Variants in MVB12B observed in about 807,000 individuals in gnomAD.
MVB12B encodes multivesicular body subunit 12B.
A neutral mutation model predicts 41.6 loss-of-function variants in MVB12B; 16 were observed. The observed-to-expected ratio is 0.38, with a 90% CI of 0.26 to 0.58. The LOEUF is 0.58. MVB12B is among the 20% of genes least tolerant of loss of function. The pLI, the probability that MVB12B is intolerant of heterozygous loss-of-function variation, is 0.62. For missense variants in MVB12B, 274 were observed against 380.2 expected, an observed-to-expected ratio of 0.72 and a Z score of 2.32; for synonymous variants, 133 against 139.7, an observed-to-expected ratio of 0.95 and a Z score of 0.34.
chr9:126,468,975 T>C lies in MVB12B; in HGVS notation c.758-12394T>C, dbSNP rs1833257282. On this transcript the variant is annotated intron_variant, in intron 7 of 9. Coordinates refer to ENST00000361171, the MANE Select transcript of MVB12B (RefSeq NM_033446.3). This position sits in a 1 kb window ranked among gnomAD's most constrained non-coding sequence, Gnocchi z 4.3. Reference sequence around the variant, plus strand: ...AAAAGTAAATTGCAAAACAGTTACTTATGCTGTGATGCTATTTTTATTAAA... The same window carrying C: ...AAAAGTAAATTGCAAAACAGTTACTCATGCTGTGATGCTATTTTTATTAAA... Among the ~76,000 whole-genome samples the C allele has an allele frequency of 6.6e-6, 1 of 152,246 alleles. No homozygotes were observed.
At chr9:126,422,621 G>C (rs758122604) in intron 7 of MVB12B, among the ~76,000 whole-genome samples, 2 of 152,188 alleles carry the variant, frequency 1.3e-5, no homozygotes, top group Non-Finnish European at 2.9e-5. Flanking sequence ...CCGCCAGTGA[G>C]GGGTGTTTGT....
At chr9:126,431,116 G>A (rs944778095) in intron 7 of MVB12B, among the ~76,000 whole-genome samples, 23 of 152,316 alleles carry the variant, frequency 1.5e-4, no homozygotes, top group Non-Finnish European at 2.9e-4. Flanking sequence ...CTTCTTAGCC[G>A]TGTGCTTCCT....
intron 7 of MVB12B, among the ~76,000 whole-genome samples, chr9:126,461,468 A>G (rs994855990): frequency 2.6e-5 from 4 of 152,230 alleles, no homozygotes; most frequent in African/African-American, 9.7e-5. Context: ...CAGCTCGCCT[A>G]TCTCAAGGCT....
Position 126,486,962 on chromosome 9 carries a change from G to T in MVB12B, c.873+2930G>T, listed in dbSNP as rs1297106311. On this transcript the variant is annotated intron_variant, in intron 9 of 9. Transcript: ENST00000361171. This position sits in a 1 kb window ranked among gnomAD's most constrained non-coding sequence, Gnocchi z 4.7. ...TCCCAGTGTGGGGTCCAGGGCGGGT[G>T]GTGGGAACCCTGCAAACCTTATTCT... 6.6e-6 allele frequency among the ~76,000 whole-genome samples: 1 copy of T among 152,154 alleles called. No individual in the cohort carries two copies. The highest frequency in any genetic ancestry group is 2.4e-5 in the African/African-American group (1 of 41,416).
At chr9:126,455,887 C>CTTTTTTTTT (rs3983803) in intron 7 of MVB12B, among the ~76,000 whole-genome samples, 81 of 103,032 alleles carry the variant, frequency 7.9e-4, no homozygotes, top group South Asian at 1.4e-3. Context: ...TTCTTTCTTT[C>CTTTTTTTTT]TTTTTTTTTT....
intron 7 of MVB12B, among the ~76,000 whole-genome samples, chr9:126,457,944 A>G (rs1297156800): frequency 6.6e-6 from 1 of 152,220 alleles, no homozygotes; most frequent in Non-Finnish European, 1.5e-5. Flanking sequence ...CTTTCAAAGT[A>G]TGTCTGGCAA....
At chr9:126,393,785 G>A (rs993804647) in intron 5 of MVB12B, among the ~76,000 whole-genome samples, 2 of 152,372 alleles carry the variant, frequency 1.3e-5, no homozygotes, top group Non-Finnish European at 2.9e-5. Flanking sequence ...CCTGGCCAGG[G>A]CTGGCAGGGG....
chr9:126,412,554 A>G (rs1831682586), intron 6 of MVB12B, among the ~76,000 whole-genome samples: 2 of 152,116 alleles, frequency 1.3e-5, no homozygotes. Flanking sequence ...TCTCCCAACC[A>G]CATTGAGAAG....
chr9:126,465,354 A>G (rs1050275143), intron 7 of MVB12B, among the ~76,000 whole-genome samples: 1 of 152,170 alleles, frequency 6.6e-6, no homozygotes, highest in Non-Finnish European at 1.5e-5. Flanking sequence ...GCTGATCCCC[A>G]GAGCCCACCC....
chr9:126,488,992 A>G (rs534952616), intron 9 of MVB12B, among the ~76,000 whole-genome samples: 5 of 152,250 alleles, frequency 3.3e-5, no homozygotes, highest in Non-Finnish European at 7.4e-5. Context: ...CCACCCCCAC[A>G]AGGACACAGA....
intron 9 of MVB12B, among the ~76,000 whole-genome samples, chr9:126,488,650 G>A (rs1311031366): frequency 6.6e-6 from 1 of 152,164 alleles, no homozygotes; most frequent in African/African-American, 2.4e-5. Flanking sequence ...GCTGAACAGG[G>A]GTCTGAGTGT....
chr9:126,400,414 C>T (rs1427914798), intron 6 of MVB12B, among the ~76,000 whole-genome samples: 3 of 152,170 alleles, frequency 2.0e-5, no homozygotes, highest in African/African-American at 7.2e-5. Flanking sequence ...GGGTGATGCG[C>T]TCCCAGATGC....
intron 9 of MVB12B, among the ~76,000 whole-genome samples, chr9:126,494,872 C>A (rs545826611): frequency 2.6e-5 from 4 of 151,582 alleles, no homozygotes; most frequent in South Asian, 2.1e-4. Flanking sequence ...CACCCCACCC[C>A]CCCCCAGGGT....
intron 1 of MVB12B, among the ~76,000 whole-genome samples, chr9:126,330,938 A>G (rs1034802874): frequency 6.6e-6 from 1 of 152,042 alleles, no homozygotes; most frequent in Non-Finnish European, 1.5e-5. Flanking sequence ...CATATTTCAG[A>G]ATTTCCTTCC....
intron 9 of MVB12B, among the ~76,000 whole-genome samples, chr9:126,489,391 G>A (rs1042143577): frequency 3.3e-5 from 5 of 152,230 alleles, no homozygotes; most frequent in Non-Finnish European, 5.9e-5. Flanking sequence ...CTGGTGGAGC[G>A]TGGTTAGATG....
chr9:126,503,336 C>G lies in MVB12B; in HGVS notation c.*73C>G. The G allele has an allele frequency of 8.3e-7, 1 of 1,204,646 alleles. No homozygotes were observed. The highest frequency in any genetic ancestry group is 1.2e-6 in the Non-Finnish European group (1 of 851,622). The allele number at this position is 1,204,646 out of a possible 1,614,324, so 74.6% of individuals were successfully genotyped here. A position where few individuals can be genotyped will look rare whatever the true frequency, so the allele number is the denominator to read the frequency against. On this transcript the variant is annotated 3_prime_UTR_variant, in exon 10 of 10. Transcript: ENST00000361171. ...ACGGCAGGGGCTGCTGCCCCCGCCTCCTCCTGCCGCCTCCGCCAGCCCTCC... is the reference window on the plus strand; with the variant it reads ...ACGGCAGGGGCTGCTGCCCCCGCCTGCTCCTGCCGCCTCCGCCAGCCCTCC...
rs1203870559 is a variant in MVB12B, at chr9:126,391,188, G to A, written c.410-878G>A. Among the ~76,000 whole-genome samples the A allele has an allele frequency of 1.3e-5, 2 of 152,134 alleles. No individual in the cohort carries two copies. The highest frequency in any genetic ancestry group is 1.5e-5 in the Non-Finnish European group (1 of 68,028). On this transcript the variant is annotated intron_variant, in intron 4 of 9. Coordinates refer to ENST00000361171, the MANE Select transcript of MVB12B (RefSeq NM_033446.3). The surrounding 1 kb of genome is among the most constrained non-coding windows in gnomAD (Gnocchi z 4.4). ...GACAGCCTAGACTTACGTGTACCCCGGACGGCGTGCATGCCTAAAAAACCT... is the reference window on the plus strand; with the variant it reads ...GACAGCCTAGACTTACGTGTACCCCAGACGGCGTGCATGCCTAAAAAACCT...
At chr9:126,435,081 C>CT (rs113103765) in intron 7 of MVB12B, among the ~76,000 whole-genome samples, 20,154 of 146,128 alleles carry the variant, frequency 0.14, 1,768 homozygotes, top group East Asian at 0.41. Flanking sequence ...AGTCTGTTTT[C>CT]TTTTTTTTTT....
intron 2 of MVB12B, among the ~76,000 whole-genome samples, chr9:126,343,906 G>A (rs1357557678): frequency 1.3e-5 from 2 of 152,184 alleles, no homozygotes; most frequent in African/African-American, 2.4e-5. Flanking sequence ...AACAGAGTGA[G>A]ACTCTGTCTC....
Sources: allele counts gnomAD v4.1 joint callset (sites outside exome capture counted in the v4.1 genomes callset), GRCh38; gene constraint gnomAD v4.1.1; non-coding constraint Gnocchi (gnomAD v3.1); transcripts MANE v1.5; gene names NCBI Gene and HGNC (gene_info 2026-07-23, HGNC 2026-07-21).